VIPR2: variants seen among roughly 807,000 people sequenced by gnomAD.
VIPR2 encodes vasoactive intestinal peptide receptor 2, also known as vasoactive intestinal polypeptide receptor 2.
VIPR2 carries 48 observed loss-of-function variants against 58.0 expected under a neutral mutation model. The ratio of observed to expected loss-of-function variants is 0.83; its 90% CI spans 0.66 to 1.05. VIPR2 has a LOEUF of 1.05. Ranked by LOEUF, VIPR2 falls within the 50% of genes least tolerant of loss-of-function variation. VIPR2 has a pLI of 0.00. For synonymous variants in VIPR2, 243 were observed against 235.2 expected, an observed-to-expected ratio of 1.03 and a Z score of -0.30; for missense variants, 534 against 558.0, an observed-to-expected ratio of 0.96 and a Z score of 0.43.
At chr7:159,133,427 T>C (rs1797067712) in intron 2 of VIPR2, among the ~76,000 whole-genome samples, 1 of 152,264 alleles carries the variant, frequency 6.6e-6, no homozygotes, top group Non-Finnish European at 1.5e-5. Flanking sequence ...ATCTGGGAAA[T>C]GACGCATCAG....
At chr7:159,053,447 AG>A (rs1371122189) in intron 5 of VIPR2, among the ~76,000 whole-genome samples, 1 of 152,258 alleles carries the variant, frequency 6.6e-6, no homozygotes, top group Non-Finnish European at 1.5e-5. Context: ...CTATGATCAC[AG>A]GTTGGATGAT....
intron 2 of VIPR2, among the ~76,000 whole-genome samples, chr7:159,114,792 A>C (rs1796172828): frequency 7.1e-6 from 1 of 141,194 alleles, no homozygotes. Context: ...AAAAAGAGGA[A>C]AGAAAGAATA....
intron 2 of VIPR2, among the ~76,000 whole-genome samples, chr7:159,134,020 T>A (rs1233438474): frequency 6.6e-6 from 1 of 152,220 alleles, no homozygotes; most frequent in Non-Finnish European, 1.5e-5. Flanking sequence ...TCCAAAATAT[T>A]TTTGAAAACT....
rs2129495411 is a variant in VIPR2 at position 159,093,157 on chromosome 7, T to G, written c.357+10600A>C. Among the ~76,000 whole-genome samples the G allele has an allele frequency of 6.6e-6, 1 of 152,270 alleles. No individual in the cohort carries two copies. Among genetic ancestry groups the G allele is most frequent in the South Asian group, 2.1e-4 (1 of 4,816 alleles). On this transcript the variant is annotated intron_variant, in intron 4 of 12. Coordinates refer to ENST00000262178, the MANE Select transcript of VIPR2 (RefSeq NM_003382.5). The surrounding 1 kb of genome is among the most constrained non-coding windows in gnomAD (Gnocchi z 6.7). ...GGGGCTGGTGGGGGCAGAAGACATT[T>G]CCTCAAGACACTGGCAGTTACTGGA...
intron 4 of VIPR2, among the ~76,000 whole-genome samples, chr7:159,090,511 T>C (rs1390268196): frequency 5.5e-4 from 35 of 63,386 alleles, no homozygotes; most frequent in East Asian, 4.8e-4. Context: ...CCTGCGACCA[T>C]TGCAATCCCC....
At chr7:159,063,730 C>CGGAGGGCCTGGCGGGATCT (rs1554505582) in intron 4 of VIPR2, among the ~76,000 whole-genome samples, 5 of 66,874 alleles carry the variant, frequency 7.5e-5, no homozygotes, top group Non-Finnish European at 1.5e-4. Context: ...CCTGGCGGGT[C>CGGAGGGCCTGGCGGGATCT]GGAGGGCCTG....
intron 3 of VIPR2, among the ~76,000 whole-genome samples, chr7:159,109,350 A>C (rs1237929823): frequency 6.6e-6 from 1 of 152,176 alleles, no homozygotes; most frequent in African/African-American, 2.4e-5. Flanking sequence ...GGCGGCAGGG[A>C]GGTTGGGGGA....
At position 159,058,624 on chromosome 7, in the gene VIPR2, C is replaced by T. The variant is rs868589083; in HGVS notation, c.358-46G>A. The T allele has an allele frequency of 3.7e-6, 5 of 1,357,760 alleles. No individual in the cohort carries two copies. In the Middle Eastern group the frequency reaches 9.0e-4, roughly 243 times the overall value. The allele number at this position is 1,357,760 out of a possible 1,614,324, so 84.1% of individuals were successfully genotyped here. A position where few individuals can be genotyped will look rare whatever the true frequency, so the allele number is the denominator to read the frequency against. On this transcript the variant is annotated intron_variant, in intron 4 of 12. Coordinates refer to ENST00000262178, the MANE Select transcript of VIPR2 (RefSeq NM_003382.5). Reference sequence around the variant, plus strand: ...TCTGTAAGCTGAGGGTGACCAGCAACACCAGACAACAGGAATGGTTCCAGG... The same window carrying T: ...TCTGTAAGCTGAGGGTGACCAGCAATACCAGACAACAGGAATGGTTCCAGG...
At chr7:159,048,887 A>G (rs578157264) in intron 5 of VIPR2, among the ~76,000 whole-genome samples, 1 of 152,254 alleles carries the variant, frequency 6.6e-6, no homozygotes. Flanking sequence ...GGCTTTCTCT[A>G]GTTCTTCCAC....
chr7:159,080,436 C>T (rs577841555), intron 4 of VIPR2, among the ~76,000 whole-genome samples: 29 of 152,290 alleles, frequency 1.9e-4, no homozygotes, highest in Admixed American at 1.5e-3. Flanking sequence ...GTTAAAAACT[C>T]TCAATAAATT....
At chr7:159,066,821 A>G (rs1856118943) in intron 4 of VIPR2, among the ~76,000 whole-genome samples, 1 of 152,270 alleles carries the variant, frequency 6.6e-6, no homozygotes, top group Non-Finnish European at 1.5e-5. Context: ...TTGTTAGTAT[A>G]ACTCCTCAAA....
chr7:159,067,250 T>C (rs868595500), intron 4 of VIPR2, among the ~76,000 whole-genome samples: 1 of 152,240 alleles, frequency 6.6e-6, no homozygotes, highest in African/African-American at 2.4e-5. Flanking sequence ...GTGTGTATTT[T>C]CCAGTCTCAC....
In VIPR2 at chr7:159,042,264, C is replaced by T. The variant is rs115531685; in HGVS notation, c.597+771G>A. On this transcript the variant is annotated intron_variant, in intron 6 of 12. Coordinates refer to ENST00000262178, the MANE Select transcript of VIPR2 (RefSeq NM_003382.5). The stretch of plus-strand genomic sequence containing the variant: ...TAAGAAGAACCTTGGTAGCAAGGGT[C>T]TCTGGTTGAGAGTGAGGTACCAGGG... Among the ~76,000 whole-genome samples, 747 of 152,274 alleles carry T rather than the reference C, an allele frequency of 4.9e-3. 5 individuals are homozygous for T. The highest frequency in any genetic ancestry group is 0.017 in the African/African-American group (717 of 41,542).
chr7:159,036,648 C>G lies in VIPR2; in HGVS notation c.748+104G>C, dbSNP rs978744920. On this transcript the variant is annotated intron_variant, in intron 7 of 12. Coordinates refer to ENST00000262178, the MANE Select transcript of VIPR2 (RefSeq NM_003382.5). ...CTCTTCATGATATGACCCTGACATG[C>G]ATTCTACGGGGGCGGCAAAGTGTTT... The G allele has an allele frequency of 5.1e-6, 7 of 1,381,676 alleles. 1 individual carries two copies. The African/African-American group carries it at 5.8e-5, about 11-fold the overall frequency. The allele number at this position is 1,381,676 out of a possible 1,614,324, so 85.6% of individuals were successfully genotyped here.
intron 10 of VIPR2, 24 bp from the exon 11 acceptor site, chr7:159,032,091 C>G (rs1391418205): frequency 1.2e-6 from 2 of 1,613,434 alleles, no homozygotes; most frequent in Non-Finnish European, 1.7e-6. Flanking sequence ...GATGAGCCAG[C>G]TCAGCTGCTG....
Position 159,082,910 on chromosome 7 carries a change from T to C in VIPR2, c.357+20847A>G, listed in dbSNP as rs138618323. ...TATCAATGGGTCACCGAATGTGTGA[T>C]GAACAATGATTAGATCCTTCCTAAT... On this transcript the variant is annotated intron_variant, in intron 4 of 12. Transcript: ENST00000262178. Among the ~76,000 whole-genome samples, 562 of 152,338 alleles carry C rather than the reference T, an allele frequency of 3.7e-3. 3 individuals carry two copies. The highest frequency in any genetic ancestry group is 0.013 in the African/African-American group (524 of 41,576).
At chr7:159,041,250 C>T (rs974115465) in intron 6 of VIPR2, among the ~76,000 whole-genome samples, 9 of 152,240 alleles carry the variant, frequency 5.9e-5, no homozygotes, top group African/African-American at 4.8e-5. Flanking sequence ...GGGGCAGCCA[C>T]GCTGGCTCAG....
chr7:159,138,914 A>G (rs1353112878), intron 2 of VIPR2, among the ~76,000 whole-genome samples: 1 of 152,240 alleles, frequency 6.6e-6, no homozygotes. Flanking sequence ...AGCTTTTAAA[A>G]TATCTCTCTA....
At position 159,085,177 on chromosome 7, in the gene VIPR2, G is replaced by C. The variant is rs1238769745; in HGVS notation, c.357+18580C>G. On this transcript the variant is annotated intron_variant, in intron 4 of 12. Transcript: ENST00000262178. ...AGGAGACTGTCAGGACCATCGTCATGATGGTGCAGCATTTTGCAATTTACA... is the reference window on the plus strand; with the variant it reads ...AGGAGACTGTCAGGACCATCGTCATCATGGTGCAGCATTTTGCAATTTACA... 4.1e-4 allele frequency among the ~76,000 whole-genome samples: 63 copies of C among 152,236 alleles called. 1 individual carries two copies. Among genetic ancestry groups the C allele is most frequent in the Admixed American group, 4.0e-3 (61 of 15,290 alleles).
Sources: allele counts gnomAD v4.1 joint callset (sites outside exome capture counted in the v4.1 genomes callset), GRCh38; gene constraint gnomAD v4.1.1; non-coding constraint Gnocchi (gnomAD v3.1); transcripts MANE v1.5; gene names NCBI Gene and HGNC (gene_info 2026-07-23, HGNC 2026-07-21).